The following PRKAA2 variants were observed in gnomAD, a reference collection of about 807,000 sequenced individuals.
The protein encoded by PRKAA2 is 5'-AMP-activated protein kinase catalytic subunit alpha-2.
A neutral mutation model predicts 56.3 loss-of-function variants in PRKAA2; 40 were observed. That is an observed-to-expected ratio of 0.71 (90% confidence interval 0.55 to 0.92). The LOEUF is 0.92. PRKAA2 is among the 40% of genes least tolerant of loss of function. The probability of loss-of-function intolerance (pLI) is 0.00; values close to 1 mark genes in which losing one functional copy is unlikely to be tolerated. For synonymous variants in PRKAA2, 214 were observed against 234.2 expected, an observed-to-expected ratio of 0.91 and a Z score of 0.79; for missense variants, 542 against 686.9, an observed-to-expected ratio of 0.79 and a Z score of 2.36.
At chr1:56,694,986 G>C (rs915737258) in intron 5 of PRKAA2, among the ~76,000 whole-genome samples, 3 of 151,618 alleles carry the variant, frequency 2.0e-5, no homozygotes, top group Non-Finnish European at 1.5e-5. Context: ...CTGTAGAAAC[G>C]TAAGAGAAAA....
At chr1:56,695,007 A>T (rs1395020240) in intron 5 of PRKAA2, among the ~76,000 whole-genome samples, 1 of 151,846 alleles carries the variant, frequency 6.6e-6, no homozygotes, top group African/African-American at 2.4e-5. Context: ...AAGGAATAAT[A>T]CTATAAGCAT....
intron 2 of PRKAA2, among the ~76,000 whole-genome samples, chr1:56,675,564 C>A (rs533139101): frequency 2.6e-5 from 4 of 152,156 alleles, no homozygotes; most frequent in East Asian, 3.9e-4. Context: ...TGTTAATGCT[C>A]CAGCATTCCA....
At chr1:56,656,058 C>T (rs943429069) in intron 1 of PRKAA2, among the ~76,000 whole-genome samples, 10 of 151,996 alleles carry the variant, frequency 6.6e-5, no homozygotes, top group African/African-American at 1.9e-4. Flanking sequence ...TAGCAGAGGA[C>T]TGGAATCTAT....
intron 2 of PRKAA2, among the ~76,000 whole-genome samples, chr1:56,687,634 C>T (rs1471711925): frequency 6.6e-6 from 1 of 152,052 alleles, no homozygotes; most frequent in Non-Finnish European, 1.5e-5. Flanking sequence ...AATAAAAGGT[C>T]ATTCATGGAC....
rs1235990600 is a variant in PRKAA2 at position 56,708,521 on chromosome 1, CTA to C, written c.*810_*811del. The C allele has an allele frequency of 1.3e-5, 2 of 152,160 alleles. No individual in the cohort carries two copies. The highest frequency in any genetic ancestry group is 1.9e-4 in the East Asian group (1 of 5,198). The allele number at this position is 152,160 out of a possible 1,614,324, so 9.4% of individuals were successfully genotyped here. On this transcript the variant is annotated 3_prime_UTR_variant, in exon 9 of 9. Transcript: ENST00000371244. ...TACCTTTCTCAAATTCTTTTTGCCT[CTA>C]TTTATTTTTGCATTTCACCAACAGT...
intron 2 of PRKAA2, among the ~76,000 whole-genome samples, chr1:56,681,538 G>A (rs1283785313): frequency 6.6e-5 from 10 of 152,162 alleles, no homozygotes; most frequent in Admixed American, 2.0e-4. Context: ...TTTGTATAAG[G>A]TGTAAGGAAG....
chr1:56,705,103 T>G (rs912164320), intron 7 of PRKAA2, among the ~76,000 whole-genome samples: 49 of 152,300 alleles, frequency 3.2e-4, no homozygotes, highest in African/African-American at 1.1e-3. Flanking sequence ...TGCCTTTCAC[T>G]CTTGTTCTTT....
chr1:56,661,634 C>G (rs1643995437), intron 1 of PRKAA2, among the ~76,000 whole-genome samples: 1 of 151,976 alleles, frequency 6.6e-6, no homozygotes, highest in African/African-American at 2.4e-5. Flanking sequence ...TTTACACATT[C>G]CTGTACTTGT....
chr1:56,696,270 C>T, intron 6 of PRKAA2, 111 bp downstream of exon 6: 1 of 942,714 alleles, frequency 1.1e-6, no homozygotes, highest in South Asian at 1.7e-5. Context: ...CACCCCAGTA[C>T]TCATGCTTCA....
At chr1:56,695,513 CA>C (rs529612863) in intron 5 of PRKAA2, among the ~76,000 whole-genome samples, 2 of 152,038 alleles carry the variant, frequency 1.3e-5, no homozygotes, top group East Asian at 1.9e-4. Flanking sequence ...AAAGGTGTGC[CA>C]GGGGTAGAAA....
At chr1:56,686,885 T>A (rs1332426282) in intron 2 of PRKAA2, among the ~76,000 whole-genome samples, 5 of 172 alleles carry the variant, frequency 0.029, no homozygotes, top group African/African-American at 0.17. Context: ...TAAATACTCT[T>A]TTTTTTTTTT....
chr1:56,691,638 T>C lies in PRKAA2; in HGVS notation c.330+151T>C, dbSNP rs531456329. ...TGTAGAGTGTTAGATAAATTTTCTT[T>C]CTTAAAAAGCATTCCTTTTGAAATA... On this transcript the variant is annotated intron_variant, in intron 3 of 8. Transcript: ENST00000371244. 6 of 455,212 alleles carry C rather than the reference T, an allele frequency of 1.3e-5. No individual in the cohort carries two copies. In the South Asian group the frequency reaches 5.1e-4, roughly 38 times the overall value. The allele number at this position is 455,212 out of a possible 1,614,324, so 28.2% of individuals were successfully genotyped here.
Position 56,660,822 on chromosome 1 carries a change from A to C in PRKAA2, c.95-13559A>C, listed in dbSNP as rs138589137. 8.1e-4 allele frequency among the ~76,000 whole-genome samples: 124 copies of C among 152,314 alleles called. No homozygotes were observed. The East Asian group carries it at 0.012, about 15-fold the overall frequency. On this transcript the variant is annotated intron_variant, in intron 1 of 8. Transcript: ENST00000371244. ...TGGGAATTAAATATGTACATAAAGTACTATTTAATAAATATGGTACTTATT... is the reference window on the plus strand; with the variant it reads ...TGGGAATTAAATATGTACATAAAGTCCTATTTAATAAATATGGTACTTATT...
chr1:56,701,378 G>C (rs1363133518), intron 6 of PRKAA2, among the ~76,000 whole-genome samples: 2 of 151,710 alleles, frequency 1.3e-5, no homozygotes, highest in African/African-American at 4.9e-5. Context: ...CTGGGTGACA[G>C]AGCGAGACTC....
At chr1:56,650,834 TA>T (rs1416238140) in intron 1 of PRKAA2, among the ~76,000 whole-genome samples, 1 of 152,218 alleles carries the variant, frequency 6.6e-6, no homozygotes, top group African/African-American at 2.4e-5. Flanking sequence ...TTCAATAAAT[TA>T]AGTAAATATT....
In PRKAA2 at chr1:56,709,177, C is replaced by G. The variant is rs1399661893; in HGVS notation, c.*1464C>G. 1 of 151,984 alleles carries G rather than the reference C, an allele frequency of 6.6e-6. No homozygotes were observed. Among genetic ancestry groups the G allele is most frequent in the Non-Finnish European group, 1.5e-5 (1 of 67,980 alleles). 9.4% of individuals were successfully genotyped at this position (151,984 alleles called of 1,614,324 possible). A position where few individuals can be genotyped will look rare whatever the true frequency, so the allele number is the denominator to read the frequency against. On this transcript the variant is annotated 3_prime_UTR_variant, in exon 9 of 9. Transcript: ENST00000371244. ...CTTGAAAACAAAAAAATGACATTAC[C>G]TTGACAGGCTTCTCTTTGCCAAAAG...
chr1:56,659,738 T>C (rs1643978872), intron 1 of PRKAA2, among the ~76,000 whole-genome samples: 1 of 151,816 alleles, frequency 6.6e-6, no homozygotes, highest in South Asian at 2.1e-4. Flanking sequence ...CGAAACCCCA[T>C]CTCAACAAGA....
intron 1 of PRKAA2, among the ~76,000 whole-genome samples, chr1:56,669,421 T>C (rs1230728513): frequency 1.3e-5 from 2 of 151,628 alleles, no homozygotes; most frequent in Non-Finnish European, 2.9e-5. Context: ...ATCGTACCAC[T>C]GCACTCCAGC....
At position 56,715,093 on chromosome 1, in the gene PRKAA2, G is replaced by T. The variant is rs1269971033; in HGVS notation, c.*7380G>T. ...AAACTCCGATTCAAATTTCAGTTTT[G>T]TTTGTTATATACTTTTTGTGAGTGT... On this transcript the variant is annotated 3_prime_UTR_variant, in exon 9 of 9. Coordinates refer to ENST00000371244, the MANE Select transcript of PRKAA2 (RefSeq NM_006252.4). 1 of 151,960 alleles carries T rather than the reference G, an allele frequency of 6.6e-6. No individual in the cohort carries two copies. The highest frequency in any genetic ancestry group is 1.5e-5 in the Non-Finnish European group (1 of 67,984). 9.4% of individuals were successfully genotyped at this position (151,960 alleles called of 1,614,324 possible). A position where few individuals can be genotyped will look rare whatever the true frequency, so the allele number is the denominator to read the frequency against.
Sources: allele counts gnomAD v4.1 joint callset (sites outside exome capture counted in the v4.1 genomes callset), GRCh38; gene constraint gnomAD v4.1.1; transcripts MANE v1.5; gene names NCBI Gene and HGNC (gene_info 2026-07-23, HGNC 2026-07-21).